The following HOXC4 variants were observed in gnomAD, a reference collection of about 807,000 sequenced individuals.
The protein encoded by HOXC4 is homeobox C4, also known as homeobox protein Hox-C4.
A neutral mutation model predicts 25.5 loss-of-function variants in HOXC4; 15 were observed. That is an observed-to-expected ratio of 0.59 (90% CI 0.39 to 0.91). The LOEUF (loss-of-function observed/expected upper bound fraction) is 0.91, where lower values mean the gene tolerates loss of function less well. Among genes scored for constraint, HOXC4 ranks in the 40% least tolerant of loss-of-function variants. The pLI is 0.00. For synonymous variants in HOXC4, 165 were observed against 148.0 expected (o/e 1.11, Z -0.83); for missense variants, 342 against 352.4 (o/e 0.97, Z 0.24).
upstream of HOXC4, among the ~76,000 whole-genome samples, chr12:54,049,400 C>T (rs946676627): frequency 1.3e-5 from 2 of 152,056 alleles, no homozygotes; most frequent in Non-Finnish European, 2.9e-5. Flanking sequence ...CCACTTTAAA[C>T]GAGATTTGAG....
In HOXC4 at chr12:54,032,959, CTATT is replaced by C. The variant is rs569382667; in HGVS notation, c.-124+15548_-124+15551del. ...GAGTGGCCGCTCGAGTCACGTGACT[CTATT>C]TAAGGCTCCCTTATTTGGGAAGAGC... On this transcript the variant is annotated intron_variant, in intron 1 of 3. Transcript: ENST00000303406. 2.1e-3 allele frequency: 1,300 copies of C among 622,780 alleles called. 18 individuals are homozygous for C. Among genetic ancestry groups the C allele is most frequent in the Non-Finnish European group, 6.7e-4 (244 of 366,752 alleles). 38.6% of individuals were successfully genotyped at this position (622,780 alleles called of 1,614,324 possible).
chr12:54,019,301 T>G (rs1311826552), intron 1 of HOXC4, among the ~76,000 whole-genome samples: 1 of 151,260 alleles, frequency 6.6e-6, no homozygotes, highest in African/African-American at 2.4e-5. Flanking sequence ...GCCCGCCGCC[T>G]GCTCAGGCTG....
intron 1 of HOXC4, chr12:54,028,572 C>G: frequency 6.2e-7 from 1 of 1,614,124 alleles, no homozygotes. Flanking sequence ...TCGCCGGGGG[C>G]CAGGACGTCC....
At chr12:54,034,981 G>A (rs1403406634) in intron 1 of HOXC4, 2 of 176,248 alleles carry the variant, frequency 1.1e-5, no homozygotes, top group Non-Finnish European at 2.5e-5. Flanking sequence ...GTGCTTCCTT[G>A]TAGCGACTAA....
upstream of HOXC4, among the ~76,000 whole-genome samples, chr12:54,053,617 C>T (rs550772460): frequency 3.3e-5 from 5 of 152,296 alleles, no homozygotes; most frequent in South Asian, 1.0e-3. Flanking sequence ...CTTCCCATCT[C>T]CTTTTGCAGG....
At chr12:54,020,720 G>A (rs1477560686) in intron 1 of HOXC4, 3 of 152,188 alleles carry the variant, frequency 2.0e-5, no homozygotes, top group Non-Finnish European at 2.9e-5. Context: ...GAGGCACCGG[G>A]TGCACTGAGC....
intron 1 of HOXC4, among the ~76,000 whole-genome samples, chr12:54,039,874 T>A (rs1473897448): frequency 2.0e-5 from 3 of 152,040 alleles, no homozygotes; most frequent in Admixed American, 2.0e-4. Flanking sequence ...CTCAGTCCCA[T>A]TCCCTTCCTC....
rs540936582 is a variant in HOXC4 at position 54,038,168 on chromosome 12, G to A, written c.-123-14992G>A. 2.0e-5 allele frequency among the ~76,000 whole-genome samples: 3 copies of A among 152,304 alleles called. No homozygotes were observed. The East Asian group carries it at 5.8e-4, about 29-fold the overall frequency. On this transcript the variant is annotated intron_variant, in intron 1 of 3. Transcript: ENST00000303406. ...GAGAAGAGAAGAAGCAGCAGAAAAA[G>A]CTGCTGGGAAGTAGGAAGATGGGGG...
intron 1 of HOXC4, chr12:54,022,461 T>C (rs1346940143): frequency 1.3e-5 from 2 of 152,138 alleles, no homozygotes; most frequent in Admixed American, 1.3e-4. Context: ...TAAAAGAGTA[T>C]CATTGAAGTA....
exon 1 of HOXC4, chr12:54,017,290 A>C (rs1374610392): frequency 3.3e-5 from 5 of 152,110 alleles, no homozygotes; most frequent in African/African-American, 1.2e-4. Context: ...AATTTATATA[A>C]AGTATATGTG....
chr12:54,028,561 C>T, intron 1 of HOXC4: 1 of 1,614,170 alleles, frequency 6.2e-7, no homozygotes, highest in Non-Finnish European at 8.5e-7. Context: ...ATCCTGCCAC[C>T]TCGCCGGGGG....
At chr12:54,027,881 A>G (rs1283230914) in intron 1 of HOXC4, among the ~76,000 whole-genome samples, 1 of 152,124 alleles carries the variant, frequency 6.6e-6, no homozygotes, top group African/African-American at 2.4e-5. Flanking sequence ...AACAGGTTTT[A>G]TGAAATTTCT....
At chr12:54,038,992 T>C (rs182460330) in intron 1 of HOXC4, among the ~76,000 whole-genome samples, 3 of 152,262 alleles carry the variant, frequency 2.0e-5, no homozygotes, top group Non-Finnish European at 4.4e-5. Context: ...GGCACATGTC[T>C]TCCACACCTG....
At chr12:54,025,321 C>T (rs1425719702) in intron 1 of HOXC4, among the ~76,000 whole-genome samples, 1 of 152,108 alleles carries the variant, frequency 6.6e-6, no homozygotes, top group Non-Finnish European at 1.5e-5. Context: ...TCCCAGCTTT[C>T]CCCCTATAGA....
upstream of HOXC4, among the ~76,000 whole-genome samples, chr12:54,051,983 C>T (rs1937856896): frequency 6.6e-6 from 1 of 152,108 alleles, no homozygotes; most frequent in African/African-American, 2.4e-5. Flanking sequence ...TCCCTTTCCC[C>T]TCCTCATTCC....
chr12:54,051,787 C>T (rs114058548), upstream of HOXC4, among the ~76,000 whole-genome samples: 353 of 152,262 alleles, frequency 2.3e-3, 2 homozygotes, highest in African/African-American at 8.0e-3. Flanking sequence ...GGGAAGGCAA[C>T]GAGGGCCCAG....
chr12:54,028,964 T>G (rs752407433), intron 1 of HOXC4: 18 of 1,542,192 alleles, frequency 1.2e-5, no homozygotes, highest in Admixed American at 9.7e-5. Context: ...TAAACTGAAC[T>G]GGCTTTATGA....
intron 1 of HOXC4, among the ~76,000 whole-genome samples, chr12:54,042,595 T>C (rs1941293247): frequency 6.6e-6 from 1 of 152,158 alleles, no homozygotes; most frequent in East Asian, 1.9e-4. Flanking sequence ...GAAACATCAT[T>C]GTTCTAGGAT....
intron 1 of HOXC4, among the ~76,000 whole-genome samples, chr12:54,041,696 G>A (rs1941275370): frequency 6.6e-6 from 1 of 152,200 alleles, no homozygotes; most frequent in Non-Finnish European, 1.5e-5. Flanking sequence ...CTTATTTTGA[G>A]ACTAAGTTTC....
Sources: allele counts gnomAD v4.1 joint callset (sites outside exome capture counted in the v4.1 genomes callset), GRCh38; gene constraint gnomAD v4.1.1; transcripts MANE v1.5; gene names NCBI Gene and HGNC (gene_info 2026-07-23, HGNC 2026-07-21).